The following NKAIN3 variants were observed in gnomAD, a reference collection of about 807,000 sequenced individuals.
NKAIN3 encodes sodium/potassium-transporting ATPase subunit beta-1-interacting protein 3.
In NKAIN3, 25 loss-of-function variants were observed where a neutral mutation model predicts 30.2. That is an observed-to-expected ratio of 0.83 (90% CI 0.60 to 1.16). The LOEUF (loss-of-function observed/expected upper bound fraction) is 1.16. Ranked by LOEUF, NKAIN3 falls within the 50% of genes most tolerant of loss-of-function variation. The pLI is 0.00. For synonymous variants in NKAIN3, 91 were observed against 89.6 expected (o/e 1.02, Z -0.09); for missense variants, 225 against 254.1 (o/e 0.89, Z 0.78).
At chr8:62,407,162 A>G (rs1585773001) in intron 1 of NKAIN3, among the ~76,000 whole-genome samples, 1 of 152,162 alleles carries the variant, frequency 6.6e-6, no homozygotes, top group Admixed American at 6.5e-5. Context: ...TTAACAAAGA[A>G]AAAAACTCAT....
chr8:62,347,495 A>ACAAT (rs2129591518), intron 1 of NKAIN3, among the ~76,000 whole-genome samples: 1 of 152,250 alleles, frequency 6.6e-6, no homozygotes, highest in South Asian at 2.1e-4. Flanking sequence ...TATCTTGACT[A>ACAAT]TACAATTACA....
At chr8:62,990,150 C>A in intron 5 of NKAIN3, 1 of 1,133,330 alleles carries the variant, frequency 8.8e-7, no homozygotes, top group Non-Finnish European at 1.3e-6. Context: ...TAAAAATCAA[C>A]TTATTTTTTA....
intron 1 of NKAIN3, among the ~76,000 whole-genome samples, chr8:62,278,057 T>C (rs1813024682): frequency 6.6e-6 from 1 of 152,104 alleles, no homozygotes; most frequent in Non-Finnish European, 1.5e-5. Flanking sequence ...GAAAGCTACA[T>C]AGAGAGGAAC....
At chr8:62,464,508 T>C (rs1034595271) in intron 1 of NKAIN3, among the ~76,000 whole-genome samples, 1 of 152,210 alleles carries the variant, frequency 6.6e-6, no homozygotes, top group Non-Finnish European at 1.5e-5. Context: ...GGGCCGTCTT[T>C]TTGTTCAGTG....
chr8:62,305,714 G>A (rs907152403), intron 1 of NKAIN3, among the ~76,000 whole-genome samples: 1 of 150,506 alleles, frequency 6.6e-6, no homozygotes, highest in African/African-American at 2.5e-5. Context: ...ACTAAAGTGT[G>A]ATGATGGATG....
intron 1 of NKAIN3, among the ~76,000 whole-genome samples, chr8:62,326,850 T>C (rs1235037381): frequency 2.6e-5 from 4 of 152,020 alleles, no homozygotes; most frequent in Non-Finnish European, 4.4e-5. Flanking sequence ...GGTAATTCTA[T>C]GTTTATTTCT....
At chr8:62,616,154 T>TC (rs1469322833) in intron 3 of NKAIN3, among the ~76,000 whole-genome samples, 1 of 152,130 alleles carries the variant, frequency 6.6e-6, no homozygotes, top group African/African-American at 2.4e-5. Flanking sequence ...TGCTTTTTTT[T>TC]CTGACTCTAA....
chr8:62,909,993 C>T (rs1178256431), intron 4 of NKAIN3, among the ~76,000 whole-genome samples: 3 of 152,050 alleles, frequency 2.0e-5, no homozygotes, highest in Non-Finnish European at 4.4e-5. Context: ...TTTTTTCTTG[C>T]TATACATTGT....
intron 3 of NKAIN3, among the ~76,000 whole-genome samples, chr8:62,740,443 G>A (rs1305520873): frequency 1.3e-5 from 2 of 152,218 alleles, no homozygotes; most frequent in South Asian, 4.1e-4. Flanking sequence ...AACTTTTTGA[G>A]CTGCAACTAA....
At chr8:62,458,723 A>G (rs1034822442) in intron 1 of NKAIN3, among the ~76,000 whole-genome samples, 1 of 152,220 alleles carries the variant, frequency 6.6e-6, no homozygotes, top group Non-Finnish European at 1.5e-5. Context: ...TTCAAGAAAC[A>G]TTTAATGAAT....
chr8:62,864,744 G>T (rs900725526), intron 4 of NKAIN3, among the ~76,000 whole-genome samples: 1 of 152,138 alleles, frequency 6.6e-6, no homozygotes, highest in African/African-American at 2.4e-5. Context: ...AAACCCGGGA[G>T]GCTGACTTGT....
intron 1 of NKAIN3, chr8:62,483,376 G>A (rs763742182): frequency 9.4e-6 from 2 of 212,082 alleles, no homozygotes; most frequent in South Asian, 9.7e-5. Flanking sequence ...TTTGTCCACA[G>A]GTCGCTTTCC....
At chr8:62,353,223 A>G (rs912545918) in intron 1 of NKAIN3, among the ~76,000 whole-genome samples, 1 of 152,214 alleles carries the variant, frequency 6.6e-6, no homozygotes, top group Non-Finnish European at 1.5e-5. Context: ...AAAATAAAAA[A>G]ATAAGCCAAC....
chr8:62,708,154 A>T (rs541078286), intron 3 of NKAIN3, among the ~76,000 whole-genome samples: 1 of 152,166 alleles, frequency 6.6e-6, no homozygotes, highest in South Asian at 2.1e-4. Flanking sequence ...GAAATCAGGT[A>T]GTGTGATGCC....
intron 4 of NKAIN3, among the ~76,000 whole-genome samples, chr8:62,902,270 G>C (rs1021197505): frequency 6.6e-6 from 1 of 152,230 alleles, no homozygotes; most frequent in African/African-American, 2.4e-5. Context: ...AAATGCTCTA[G>C]TAAGCCAGAA....
At chr8:62,576,936 A>G (rs1235381241) in intron 1 of NKAIN3, among the ~76,000 whole-genome samples, 1 of 152,148 alleles carries the variant, frequency 6.6e-6, no homozygotes, top group African/African-American at 2.4e-5. Flanking sequence ...GTCTCTAGAG[A>G]TTATGACATT....
At chr8:62,591,126 G>A (rs541558248) in intron 3 of NKAIN3, among the ~76,000 whole-genome samples, 16 of 151,872 alleles carry the variant, frequency 1.1e-4, no homozygotes, top group Non-Finnish European at 4.4e-5. Flanking sequence ...TGTATCTTGC[G>A]ATTTGGATGG....
chr8:62,763,749 G>A lies in NKAIN3; in HGVS notation c.471+16620G>A, dbSNP rs192631497. Among the ~76,000 whole-genome samples, 446 of 152,304 alleles carry A rather than the reference G, an allele frequency of 2.9e-3. 1 individual carries two copies. The highest frequency in any genetic ancestry group is 0.01 in the African/African-American group (424 of 41,556). The stretch of plus-strand genomic sequence containing the variant: ...GCTACTGTTAAGAGTTAACGAAAGA[G>A]GAAAGAAATATGAAAAGCAGCTCAA... On this transcript the variant is annotated intron_variant, in intron 4 of 6. Transcript: ENST00000623646.
At chr8:62,876,015 G>T (rs1171776788) in intron 4 of NKAIN3, among the ~76,000 whole-genome samples, 3 of 152,140 alleles carry the variant, frequency 2.0e-5, no homozygotes, top group Non-Finnish European at 2.9e-5. Context: ...TACAGCAAAA[G>T]AAACTAGCAT....
Sources: allele counts gnomAD v4.1 joint callset (sites outside exome capture counted in the v4.1 genomes callset), GRCh38; gene constraint gnomAD v4.1.1; transcripts MANE v1.5; gene names NCBI Gene and HGNC (gene_info 2026-07-23, HGNC 2026-07-21).